CDH9: variants seen among roughly 807,000 people sequenced by gnomAD.
The protein encoded by CDH9 is cadherin-9.
CDH9 carries 28 observed loss-of-function variants against 70.9 expected under a neutral mutation model. That is an observed-to-expected ratio of 0.40 (90% confidence interval 0.29 to 0.54). The LOEUF (loss-of-function observed/expected upper bound fraction) is 0.54. Ranked by LOEUF, CDH9 falls within the 20% of genes least tolerant of loss-of-function variation. The pLI is 0.59. For synonymous variants in CDH9, 409 were observed against 343.1 expected (o/e 1.19, Z -2.12); for missense variants, 874 against 984.4 (o/e 0.89, Z 1.50).
chr5:27,031,955 A>C (rs1213959225), intron 1 of CDH9, among the ~76,000 whole-genome samples: 1 of 151,914 alleles, frequency 6.6e-6, no homozygotes, highest in African/African-American at 2.4e-5. Flanking sequence ...AAATGATTCC[A>C]AAGTTGAAAC....
chr5:26,893,524 A>G (rs1740696167), intron 7 of CDH9, among the ~76,000 whole-genome samples: 1 of 152,142 alleles, frequency 6.6e-6, no homozygotes, highest in Admixed American at 6.6e-5. Flanking sequence ...ACATGGTGTT[A>G]TGAAAAGAAT....
intron 2 of CDH9, among the ~76,000 whole-genome samples, chr5:26,920,234 T>C (rs1446087290): frequency 6.6e-6 from 1 of 151,760 alleles, no homozygotes; most frequent in Non-Finnish European, 1.5e-5. Context: ...TAGGCAGTAC[T>C]TGTCATGGGC....
rs10472564 is a variant in CDH9, at chr5:27,018,754, C to T, written c.-50+19709G>A. Among the ~76,000 whole-genome samples the T allele has an allele frequency of 1.5e-3, 228 of 151,872 alleles. 1 individual carries two copies. The highest frequency in any genetic ancestry group is 5.2e-3 in the African/African-American group (214 of 41,464). On this transcript the variant is annotated intron_variant, in intron 1 of 11. Transcript: ENST00000231021. ...TATTTTGGAGTCCCAAATTAAAATT[C>T]GTGTCAGGGTAGTACCTCTTGGTTA...
intron 2 of CDH9, among the ~76,000 whole-genome samples, chr5:26,958,232 C>G (rs1274624477): frequency 6.6e-6 from 1 of 152,128 alleles, no homozygotes; most frequent in Admixed American, 6.6e-5. Flanking sequence ...CATTAGTGGA[C>G]ATTAACCAAA....
At chr5:27,029,870 A>C (rs904082856) in intron 1 of CDH9, among the ~76,000 whole-genome samples, 3 of 151,970 alleles carry the variant, frequency 2.0e-5, no homozygotes, top group Non-Finnish European at 2.9e-5. Flanking sequence ...AGATGGGCTG[A>C]CATCGCTATG....
chr5:26,978,949 G>A (rs1457675214), intron 2 of CDH9, among the ~76,000 whole-genome samples: 8 of 151,532 alleles, frequency 5.3e-5, no homozygotes, highest in Non-Finnish European at 8.9e-5. Context: ...TTCTATTAAC[G>A]AAAAGCTAAG....
At chr5:26,934,945 A>C (rs1462477350) in intron 2 of CDH9, among the ~76,000 whole-genome samples, 2 of 149,174 alleles carry the variant, frequency 1.3e-5, no homozygotes, top group African/African-American at 4.9e-5. Flanking sequence ...AAAAAAAAAA[A>C]CACAGACCAG....
At chr5:26,976,568 G>A (rs1742305735) in intron 2 of CDH9, among the ~76,000 whole-genome samples, 3 of 152,054 alleles carry the variant, frequency 2.0e-5, no homozygotes. Flanking sequence ...CTCCCAAAGA[G>A]CTGAGACCAC....
Position 26,915,710 on chromosome 5 carries a change from T to G in CDH9, c.443A>C (p.Lys148Thr). Residue 148 changes from lysine to threonine, a missense_variant, in exon 3 of 12, where the codon AAA (lysine) becomes ACA (threonine). Lys to Thr is a moderately conservative substitution (Grantham distance 78, BLOSUM62 -1). Coordinates refer to ENST00000231021, the MANE Select transcript of CDH9 (RefSeq NM_016279.4). ...CTCATTGTCATTGATATCATGTATT[T>G]TAATGATAAATTCCGATTCCGGTTC... ...QVEPESEFII[K>T]IHDINDNEPK... 6.2e-7 allele frequency: 1 copy of G among 1,612,662 alleles called. No individual in the cohort carries two copies. Among genetic ancestry groups the G allele is most frequent in the Non-Finnish European group, 8.5e-7 (1 of 1,178,712 alleles).
intron 1 of CDH9, among the ~76,000 whole-genome samples, chr5:26,993,391 A>T (rs1411756088): frequency 3.3e-5 from 5 of 152,172 alleles, no homozygotes; most frequent in Admixed American, 6.5e-5. Context: ...TTTATAGTAA[A>T]ATGTGAGACA....
chr5:26,978,696 C>A, intron 2 of CDH9, among the ~76,000 whole-genome samples: 1 of 151,090 alleles, frequency 6.6e-6, no homozygotes, highest in Non-Finnish European at 1.5e-5. Flanking sequence ...AGTTAGGTAT[C>A]AAATTAAGAA....
intron 2 of CDH9, among the ~76,000 whole-genome samples, chr5:26,984,767 G>A (rs983943487): frequency 2.5e-4 from 38 of 151,776 alleles, no homozygotes; most frequent in African/African-American, 8.9e-4. Context: ...TTTCCTTCTT[G>A]GGGAACAGTA....
intron 1 of CDH9, among the ~76,000 whole-genome samples, chr5:26,990,644 C>T (rs1742564915): frequency 6.6e-6 from 1 of 152,156 alleles, no homozygotes; most frequent in Non-Finnish European, 1.5e-5. Context: ...TTAGTGGTCA[C>T]TGGCCCAGAA....
chr5:26,937,399 C>T (rs1741578136), intron 2 of CDH9, among the ~76,000 whole-genome samples: 1 of 152,120 alleles, frequency 6.6e-6, no homozygotes. Flanking sequence ...GCAATGAGAA[C>T]TCAGTCATTA....
chr5:26,886,183 C>A, intron 9 of CDH9, 100 bp from the exon 10 acceptor site: 2 of 1,306,834 alleles, frequency 1.5e-6, no homozygotes, highest in African/African-American at 3.0e-5. Context: ...AAATACATCA[C>A]GAAAACAAAG....
intron 1 of CDH9, among the ~76,000 whole-genome samples, chr5:26,998,023 C>G (rs1380562877): frequency 6.6e-6 from 1 of 151,864 alleles, no homozygotes; most frequent in Non-Finnish European, 1.5e-5. Flanking sequence ...ACACTAGAAA[C>G]TATAGAAAAG....
chr5:27,030,805 A>G (rs1048434225), intron 1 of CDH9, among the ~76,000 whole-genome samples: 3 of 117,024 alleles, frequency 2.6e-5, no homozygotes, highest in Non-Finnish European at 6.0e-5. Flanking sequence ...AGGAGCAAAT[A>G]CATATAACAC....
At chr5:27,014,826 C>T (rs1439702265) in intron 1 of CDH9, among the ~76,000 whole-genome samples, 1 of 151,626 alleles carries the variant, frequency 6.6e-6, no homozygotes, top group Non-Finnish European at 1.5e-5. Flanking sequence ...CACTCTGAAC[C>T]CCTCAATTCA....
chr5:26,936,890 T>C (rs1216247956), intron 2 of CDH9, among the ~76,000 whole-genome samples: 2 of 151,874 alleles, frequency 1.3e-5, no homozygotes, highest in Non-Finnish European at 2.9e-5. Flanking sequence ...ACTCAAAATG[T>C]GTTTTTAGAT....
Sources: gnomAD v4.1 joint callset for allele counts (sites outside exome capture counted in the v4.1 genomes callset) on GRCh38, gnomAD v4.1.1 for gene constraint, MANE v1.5 for transcripts, NCBI Gene and HGNC (gene_info 2026-07-23, HGNC 2026-07-21) for gene names.